The following AKAP10 variants were observed in gnomAD, a reference collection of about 807,000 sequenced individuals.
The protein encoded by AKAP10 is A-kinase anchoring protein 10, also known as A-kinase anchor protein 10, mitochondrial.
In AKAP10, 24 loss-of-function variants were observed where a neutral mutation model predicts 80.8. The ratio of observed to expected loss-of-function variants is 0.30; its 90% confidence interval spans 0.22 to 0.42. The LOEUF is 0.42. AKAP10 is among the 10% of genes least tolerant of loss of function. The pLI is 1.00. For synonymous variants in AKAP10, 291 were observed against 277.7 expected (o/e 1.05, Z -0.48); for missense variants, 661 against 794.9 (o/e 0.83, Z 2.03).
chr17:19,941,007 G>T lies in AKAP10; in HGVS notation c.1065C>A (p.His355Gln), dbSNP rs965524095. The T allele has an allele frequency of 8.8e-6, 14 of 1,597,512 alleles. No homozygotes were observed. The highest frequency in any genetic ancestry group is 1.2e-5 in the Non-Finnish European group (14 of 1,175,944). ...GGTGACTTCGCAGAAACTCACTAAA[G>T]TGCCTGCACATGGACAAAAGGGAAA... ...SIVFSAMEQE[H>Q]FSEFLRSHHF... Residue 355 changes from histidine to glutamine, a missense_variant, in exon 7 of 15, where the codon CAC (histidine) becomes CAA (glutamine). Transcript: ENST00000225737.
chr17:19,958,059 T>A lies in AKAP10; in HGVS notation c.832A>T (p.Ser278Cys). 1 of 1,613,998 alleles carries A rather than the reference T, an allele frequency of 6.2e-7. No individual in the cohort carries two copies. The highest frequency in any genetic ancestry group is 8.5e-7 in the Non-Finnish European group (1 of 1,179,964). ...AATTCTTTTAGTGGAGAAGCGGGAC[T>A]ATTTCTACTGGCTACTGTAAGTGTA... ...SSTLTVASRN[S>C]PASPLKELSG... The change falls in exon 4 of 15, where the codon AGT becomes TGT. Residue 278 changes from serine to cysteine, a missense_variant. Transcript: ENST00000225737.
At chr17:19,936,559 T>C (rs2042994852) in intron 8 of AKAP10, 129 bp from the exon 9 acceptor site, 4 of 889,600 alleles carry the variant, frequency 4.5e-6, no homozygotes, top group Non-Finnish European at 6.6e-6. Flanking sequence ...TATAGAGCTA[T>C]GTGATGACAG....
intron 14 of AKAP10, 58 bp downstream of exon 14, chr17:19,909,123 T>C (rs2042663221): frequency 2.0e-6 from 3 of 1,477,160 alleles, no homozygotes; most frequent in Non-Finnish European, 2.8e-6. Flanking sequence ...TGTTCTTTTT[T>C]ATTTTTACAC....
At chr17:19,946,237 T>TATAATA (rs1491288818) in intron 5 of AKAP10, among the ~76,000 whole-genome samples, 1 of 15,184 alleles carries the variant, frequency 6.6e-5, no homozygotes, top group Non-Finnish European at 1.0e-4. Context: ...TATATATATA[T>TATAATA]TATATATATA....
chr17:19,913,188 C>T (rs1185037317), intron 12 of AKAP10, among the ~76,000 whole-genome samples: 1 of 141,264 alleles, frequency 7.1e-6, no homozygotes, highest in Non-Finnish European at 1.5e-5. Context: ...GAGTCTCCCT[C>T]TGTTGACCAG....
At chr17:19,948,625 A>C (rs547613654) in intron 4 of AKAP10, among the ~76,000 whole-genome samples, 1 of 152,234 alleles carries the variant, frequency 6.6e-6, no homozygotes, top group Non-Finnish European at 1.5e-5. Context: ...TAAAGCCCTG[A>C]CTTTCTAGCC....
rs139393295 is a variant in AKAP10, at chr17:19,926,051, G to A, written c.1642-1534C>T. 3.8e-3 allele frequency among the ~76,000 whole-genome samples: 571 copies of A among 152,128 alleles called. 1 individual carries two copies. Among genetic ancestry groups the A allele is most frequent in the Non-Finnish European group, 7.1e-3 (481 of 67,992 alleles). On this transcript the variant is annotated intron_variant, in intron 10 of 14. Coordinates refer to ENST00000225737, the MANE Select transcript of AKAP10 (RefSeq NM_007202.4). ...ATAGAGTGTAAATGTTATCTTAAGCGTTCAGATACAAAATCTTCAACAAAA... is the reference window on the plus strand; with the variant it reads ...ATAGAGTGTAAATGTTATCTTAAGCATTCAGATACAAAATCTTCAACAAAA...
At chr17:19,974,317 C>G (rs1275999687) in intron 1 of AKAP10, among the ~76,000 whole-genome samples, 1 of 152,212 alleles carries the variant, frequency 6.6e-6, no homozygotes, top group African/African-American at 2.4e-5. Context: ...CTGGATTAAG[C>G]TTGTCCATCC....
chr17:19,919,486 C>G (rs1036330097), intron 12 of AKAP10, among the ~76,000 whole-genome samples: 1 of 151,978 alleles, frequency 6.6e-6, no homozygotes, highest in East Asian at 1.9e-4. Flanking sequence ...GAGTATGAGA[C>G]CAGCCTAGCC....
intron 4 of AKAP10, among the ~76,000 whole-genome samples, chr17:19,956,010 T>C (rs2043271306): frequency 6.6e-6 from 1 of 152,200 alleles, no homozygotes; most frequent in Admixed American, 6.5e-5. Flanking sequence ...TCTTAAACAT[T>C]TGGGGCCAGT....
intron 1 of AKAP10, among the ~76,000 whole-genome samples, chr17:19,974,514 G>C (rs2043540848): frequency 6.6e-6 from 1 of 152,046 alleles, no homozygotes; most frequent in Non-Finnish European, 1.5e-5. Context: ...CCTCTATATT[G>C]GTCAGGTAGA....
chr17:19,973,187 C>T (rs748220140), intron 1 of AKAP10, among the ~76,000 whole-genome samples: 1 of 152,118 alleles, frequency 6.6e-6, no homozygotes, highest in Non-Finnish European at 1.5e-5. Context: ...ACCATGTTGG[C>T]CAGGCTGGTC....
intron 10 of AKAP10, among the ~76,000 whole-genome samples, chr17:19,925,253 C>T (rs2042864169): frequency 2.0e-5 from 3 of 152,146 alleles, no homozygotes; most frequent in South Asian, 2.1e-4. Flanking sequence ...ATGTGCTGTA[C>T]TCACAGCATT....
At chr17:19,911,728 G>A (rs753168558) in intron 12 of AKAP10, among the ~76,000 whole-genome samples, 12 of 150,192 alleles carry the variant, frequency 8.0e-5, no homozygotes, top group Non-Finnish European at 8.9e-5. Flanking sequence ...CCAGCTACTC[G>A]GGAGGCTGAG....
At chr17:19,970,779 C>T (rs145448472) in intron 1 of AKAP10, among the ~76,000 whole-genome samples, 8 of 152,008 alleles carry the variant, frequency 5.3e-5, no homozygotes, top group Admixed American at 2.0e-4. Flanking sequence ...GCTGAGATTA[C>T]ACCACTGTAC....
Position 19,909,990 on chromosome 17 carries a change from A to G in AKAP10, c.1835-12T>C. 6.2e-7 allele frequency: 1 copy of G among 1,612,924 alleles called. No individual in the cohort carries two copies. Among genetic ancestry groups the G allele is most frequent in the Non-Finnish European group, 8.5e-7 (1 of 1,179,332 alleles). On this transcript the variant is annotated splice_polypyrimidine_tract_variant and intron_variant, in intron 12 of 14. Coordinates refer to ENST00000225737, the MANE Select transcript of AKAP10 (RefSeq NM_007202.4). ...TGAGAACATGGATCCTAGTAAACAA[A>G]GACAAAATTGAATGTACATTTCATG...
intron 5 of AKAP10, among the ~76,000 whole-genome samples, chr17:19,945,840 T>C (rs557859200): frequency 4.6e-5 from 7 of 152,160 alleles, no homozygotes; most frequent in African/African-American, 1.7e-4. Context: ...ACTAACTTTT[T>C]TGAAGAATAA....
chr17:19,913,444 G>A (rs926533328), intron 12 of AKAP10, among the ~76,000 whole-genome samples: 7 of 152,066 alleles, frequency 4.6e-5, no homozygotes, highest in African/African-American at 1.7e-4. Context: ...GAGCCACCAC[G>A]CCCGGCCCTA....
chr17:19,946,931 G>A (rs772454098), intron 5 of AKAP10, among the ~76,000 whole-genome samples: 2 of 152,216 alleles, frequency 1.3e-5, no homozygotes, highest in African/African-American at 2.4e-5. Context: ...AGACGGAGAG[G>A]CCACCACTGA....
Sources: gnomAD v4.1 joint callset for allele counts (sites outside exome capture counted in the v4.1 genomes callset) on GRCh38, gnomAD v4.1.1 for gene constraint, MANE v1.5 for transcripts, NCBI Gene and HGNC (gene_info 2026-07-23, HGNC 2026-07-21) for gene names.